The following SLC25A40 variants were observed in gnomAD, a reference collection of about 807,000 sequenced individuals.
SLC25A40 encodes the protein solute carrier family 25 member 40.
SLC25A40 carries 41 observed loss-of-function variants against 46.5 expected under a neutral mutation model. The observed-to-expected ratio is 0.88, with a 90% CI of 0.69 to 1.14. The LOEUF is 1.14. SLC25A40 is among the 50% of genes most tolerant of loss of function. The pLI, the probability that SLC25A40 is intolerant of heterozygous loss-of-function variation, is 0.00. For missense variants in SLC25A40, 386 were observed against 393.6 expected (o/e 0.98, Z 0.16); for synonymous variants, 126 against 127.5 (o/e 0.99, Z 0.08).
chr7:87,844,829 C>A (rs1388980054), intron 8 of SLC25A40, among the ~76,000 whole-genome samples: 1 of 149,090 alleles, frequency 6.7e-6, no homozygotes, highest in African/African-American at 2.5e-5. Context: ...AACTAAATGT[C>A]AAAAAAAAAG....
chr7:87,862,167 TCTGTCCCA>T (rs1838711997), intron 1 of SLC25A40, among the ~76,000 whole-genome samples: 1 of 152,180 alleles, frequency 6.6e-6, no homozygotes, highest in African/African-American at 2.4e-5. Flanking sequence ...TTATCTTTTT[TCTGTCCCA>T]CTTTCTATTC....
chr7:87,861,072 G>A (rs1019249696), intron 1 of SLC25A40, among the ~76,000 whole-genome samples: 3 of 152,122 alleles, frequency 2.0e-5, no homozygotes, highest in Non-Finnish European at 4.4e-5. Flanking sequence ...GAAACAACAA[G>A]CTTTAGGTCT....
intron 9 of SLC25A40, among the ~76,000 whole-genome samples, chr7:87,842,707 T>C (rs13438651): frequency 0.14 from 21,917 of 152,050 alleles, 2,540 homozygotes; most frequent in African/African-American, 0.32. Flanking sequence ...CCTGGACACT[T>C]ACATTCAGGT....
intron 2 of SLC25A40, among the ~76,000 whole-genome samples, chr7:87,859,296 T>C (rs1475398883): frequency 6.6e-6 from 1 of 151,728 alleles, no homozygotes; most frequent in Non-Finnish European, 1.5e-5. Context: ...CAACTAAAAA[T>C]ACAAAAAATT....
At position 87,850,968 on chromosome 7, in the gene SLC25A40, T is replaced by C. The variant is rs144876322; in HGVS notation, c.265-1020A>G. Among the ~76,000 whole-genome samples the C allele has an allele frequency of 3.9e-5, 6 of 152,314 alleles. No individual in the cohort carries two copies. The East Asian group carries it at 1.2e-3, about 29-fold the overall frequency. On this transcript the variant is annotated intron_variant, in intron 5 of 11. Transcript: ENST00000341119. ...AGATACTACTGGTGAGAATACAGAATGGTGTAGCTACTTTAGAAAATAGCC... is the reference window on the plus strand; with the variant it reads ...AGATACTACTGGTGAGAATACAGAACGGTGTAGCTACTTTAGAAAATAGCC...
At chr7:87,837,320 T>G (rs901880123) in intron 10 of SLC25A40, among the ~76,000 whole-genome samples, 11 of 151,128 alleles carry the variant, frequency 7.3e-5, no homozygotes, top group African/African-American at 2.7e-4. Flanking sequence ...TCACAACCAT[T>G]TTTTCATTCA....
intron 1 of SLC25A40, among the ~76,000 whole-genome samples, chr7:87,865,181 T>C (rs1838771805): frequency 6.6e-6 from 1 of 152,058 alleles, no homozygotes; most frequent in Non-Finnish European, 1.5e-5. Flanking sequence ...CTACAATAAG[T>C]TTTTCCATTG....
chr7:87,874,395 C>G (rs1286757882), intron 1 of SLC25A40, among the ~76,000 whole-genome samples: 2 of 152,148 alleles, frequency 1.3e-5, no homozygotes, highest in African/African-American at 4.8e-5. Flanking sequence ...TCCAAAGATC[C>G]AGTCTTCCCT....
Position 87,834,779 on chromosome 7 carries a change from AG to A in SLC25A40, c.*1469del, listed in dbSNP as rs2130991897. On this transcript the variant is annotated 3_prime_UTR_variant, in exon 12 of 12. Coordinates refer to ENST00000341119, the MANE Select transcript of SLC25A40 (RefSeq NM_018843.4). ...ACAATGATTTTACGTAAAAATATTT[AG>A]AAGCACAGTGATGATTTTAAGAAGC... 6.6e-6 allele frequency: 1 copy of A among 151,804 alleles called. No homozygotes were observed. Among genetic ancestry groups the A allele is most frequent in the South Asian group, 2.1e-4 (1 of 4,822 alleles). 9.4% of individuals were successfully genotyped at this position (151,804 alleles called of 1,614,324 possible).
At chr7:87,852,358 AC>A (rs1327303235) in intron 5 of SLC25A40, among the ~76,000 whole-genome samples, 1 of 152,158 alleles carries the variant, frequency 6.6e-6, no homozygotes, top group Non-Finnish European at 1.5e-5. Flanking sequence ...CGGCAGGAGG[AC>A]TGCTTGAGCC....
chr7:87,871,646 C>T (rs1262150336), intron 1 of SLC25A40, among the ~76,000 whole-genome samples: 2 of 152,178 alleles, frequency 1.3e-5, no homozygotes. Context: ...TGCTTGATTC[C>T]TGGAATAAAC....
At chr7:87,846,230 G>A (rs1436353089) in intron 8 of SLC25A40, among the ~76,000 whole-genome samples, 2 of 152,118 alleles carry the variant, frequency 1.3e-5, no homozygotes, top group Non-Finnish European at 2.9e-5. Context: ...CAAATGAATG[G>A]CATTCAATAT....
intron 1 of SLC25A40, among the ~76,000 whole-genome samples, chr7:87,871,218 C>T (rs751825303): frequency 5.3e-5 from 8 of 152,170 alleles, no homozygotes; most frequent in Non-Finnish European, 1.2e-4. Flanking sequence ...AGGGAAATAC[C>T]GTGATTCAAT....
At chr7:87,841,160 TATATATATATATATATAC>T (rs1838328226) in intron 10 of SLC25A40, among the ~76,000 whole-genome samples, 1 of 126,548 alleles carries the variant, frequency 7.9e-6, no homozygotes, top group Non-Finnish European at 1.7e-5. Context: ...TGTGTGTGTG[TATATATATATATATATAC>T]ATATATATAA....
Position 87,859,628 on chromosome 7 carries a change from A to C in SLC25A40, c.-24-877T>G, listed in dbSNP as rs1234541186. On this transcript the variant is annotated intron_variant, in intron 2 of 11. Transcript: ENST00000341119. ...TACAGCTTTTCTGAAAAACAGGTCA[A>C]TACTATTTTGCTTGTTTAGTAGGCT... Among the ~76,000 whole-genome samples, 7 of 152,292 alleles carry C rather than the reference A, an allele frequency of 4.6e-5. No homozygotes were observed. The East Asian group carries it at 1.2e-3, about 25-fold the overall frequency.
chr7:87,834,370 T>C lies in SLC25A40; in HGVS notation c.*1879A>G, dbSNP rs1221483656. 1 of 151,714 alleles carries C rather than the reference T, an allele frequency of 6.6e-6. No individual in the cohort carries two copies. 9.4% of individuals were successfully genotyped at this position (151,714 alleles called of 1,614,324 possible). ...ATTATAGCAAAATTCTGAACACTTT[T>C]TGGTTGTTAGTATATTTTAAAAGTA... On this transcript the variant is annotated 3_prime_UTR_variant, in exon 12 of 12. Coordinates refer to ENST00000341119, the MANE Select transcript of SLC25A40 (RefSeq NM_018843.4).
intron 1 of SLC25A40, among the ~76,000 whole-genome samples, chr7:87,862,223 C>G (rs1452251579): frequency 6.6e-6 from 1 of 152,184 alleles, no homozygotes; most frequent in African/African-American, 2.4e-5. Context: ...AGGGAGGACA[C>G]ATTCTACTGG....
intron 8 of SLC25A40, 139 bp downstream of exon 8, chr7:87,846,810 A>C (rs1584325700): frequency 5.3e-6 from 3 of 561,384 alleles, no homozygotes; most frequent in Non-Finnish European, 8.4e-6. Flanking sequence ...CTGAGAGCCC[A>C]ACAATGAAAA....
chr7:87,870,653 A>C lies in SLC25A40; in HGVS notation c.-94+5443T>G, dbSNP rs111368064. ...GCTCAGCCAGCACAGGGAAGAGAAG[A>C]AGCAGCCGAATGTCTGAGAGAAGCA... On this transcript the variant is annotated intron_variant, in intron 1 of 11. Transcript: ENST00000341119. Among the ~76,000 whole-genome samples, 660 of 152,240 alleles carry C rather than the reference A, an allele frequency of 4.3e-3. 2 individuals carry two copies. The highest frequency in any genetic ancestry group is 0.031 in the Middle Eastern group (9 of 294).
Sources: gnomAD v4.1 joint callset for allele counts (sites outside exome capture counted in the v4.1 genomes callset) on GRCh38, gnomAD v4.1.1 for gene constraint, MANE v1.5 for transcripts, NCBI Gene and HGNC (gene_info 2026-07-23, HGNC 2026-07-21) for gene names.